Variants in TENM2 observed in about 807,000 individuals in gnomAD.
TENM2 encodes the protein teneurin transmembrane protein 2, also known as teneurin-2.
TENM2 carries 52 observed loss-of-function variants against 245.2 expected under a neutral mutation model. The ratio of observed to expected loss-of-function variants is 0.21; its 90% confidence interval spans 0.17 to 0.27. TENM2 has a LOEUF of 0.27. Ranked by LOEUF, TENM2 falls within the 10% of genes least tolerant of loss-of-function variation. The pLI, the probability that TENM2 is intolerant of heterozygous loss-of-function variation, is 1.00. For missense variants in TENM2, 3,046 were observed against 3,666.8 expected (o/e 0.83, Z 4.37); for synonymous variants, 1,363 against 1,438.9 (o/e 0.95, Z 1.19).
intron 1 of TENM2, among the ~76,000 whole-genome samples, chr5:167,319,365 A>G (rs1312957347): frequency 1.3e-5 from 2 of 152,032 alleles, no homozygotes; most frequent in African/African-American, 4.8e-5. Context: ...AGTTGGGTGT[A>G]TTAAATTAGA....
the TENM2 span, among the ~76,000 whole-genome samples, chr5:167,181,766 T>C: frequency 1.3e-5 from 2 of 152,194 alleles, no homozygotes; most frequent in African/African-American, 4.8e-5. Context: ...AGGAGAAGCA[T>C]GCTAATTTTT....
At chr5:167,129,182 G>T in the TENM2 span, among the ~76,000 whole-genome samples, 2,357 of 152,244 alleles carry the variant, frequency 0.015, 55 homozygotes, top group African/African-American at 0.054. Context: ...CCAGGAAGTG[G>T]CTGGAACTTA....
chr5:167,211,250 G>A, the TENM2 span, among the ~76,000 whole-genome samples: 2 of 152,124 alleles, frequency 1.3e-5, no homozygotes, highest in African/African-American at 4.8e-5. Flanking sequence ...CCGTCAACCT[G>A]CTAAGGTTTT....
intron 19 of TENM2, among the ~76,000 whole-genome samples, chr5:168,207,257 T>C (rs879665669): frequency 1.3e-5 from 2 of 152,168 alleles, no homozygotes; most frequent in African/African-American, 2.4e-5. Context: ...GTGCTCAAGA[T>C]AGGTTGCTTA....
intron 2 of TENM2, among the ~76,000 whole-genome samples, chr5:167,776,480 C>A (rs552239504): frequency 6.6e-6 from 1 of 150,716 alleles, no homozygotes; most frequent in Non-Finnish European, 1.5e-5. Context: ...CCTGTAGTCC[C>A]AGCTACTTGG....
At chr5:167,579,194 A>G (rs1039884909) in intron 2 of TENM2, among the ~76,000 whole-genome samples, 2 of 152,168 alleles carry the variant, frequency 1.3e-5, no homozygotes, top group Non-Finnish European at 2.9e-5. Flanking sequence ...ACTTGACTGC[A>G]TTACAATGGA....
Position 168,247,291 on chromosome 5 carries a change from C to T in TENM2, c.6352C>T (p.Arg2118Cys), listed in dbSNP as rs770870348. The T allele has an allele frequency of 1.2e-5, 20 of 1,613,846 alleles. No individual in the cohort carries two copies. Among genetic ancestry groups the T allele is most frequent in the East Asian group, 2.2e-5 (1 of 44,886 alleles). Residue 2118 changes from arginine (R) to cysteine (C), a missense_variant, in exon 27 of 29, where the codon CGC becomes TGC. Coordinates refer to ENST00000518659, the Ensembl canonical transcript of TENM2. This position sits in a 1 kb window ranked among gnomAD's most constrained non-coding sequence, Gnocchi z 7.8. ...GACTCCCCTCCCCGTTGACCTCTACCGCTATGATGAGATTTCTGGCAAGGT... is the reference window on the plus strand; with the variant it reads ...GACTCCCCTCCCCGTTGACCTCTACTGCTATGATGAGATTTCTGGCAAGGT...
chr5:167,272,964 A>C, the TENM2 span, among the ~76,000 whole-genome samples: 1 of 152,138 alleles, frequency 6.6e-6, no homozygotes, highest in Non-Finnish European at 1.5e-5. Context: ...ACACACACAT[A>C]CACAAACACA....
At chr5:167,931,329 A>AC (rs772700838) in intron 3 of TENM2, among the ~76,000 whole-genome samples, 105 of 152,300 alleles carry the variant, frequency 6.9e-4, no homozygotes, top group Middle Eastern at 3.4e-3. Context: ...TCAGAGATTG[A>AC]ACTGGGGTGA....
intron 4 of TENM2, among the ~76,000 whole-genome samples, chr5:167,992,225 G>T (rs1364492137): frequency 6.6e-6 from 1 of 151,596 alleles, no homozygotes; most frequent in Non-Finnish European, 1.5e-5. Flanking sequence ...TAAAGAACTT[G>T]TTCATGTAAT....
At chr5:167,393,884 G>A (rs1490359419) in intron 2 of TENM2, among the ~76,000 whole-genome samples, 1 of 152,120 alleles carries the variant, frequency 6.6e-6, no homozygotes, top group Non-Finnish European at 1.5e-5. Flanking sequence ...GGTAAAGGTA[G>A]GAGTATTTCT....
the TENM2 span, among the ~76,000 whole-genome samples, chr5:167,149,829 T>C: frequency 6.6e-5 from 10 of 152,176 alleles, no homozygotes; most frequent in Non-Finnish European, 1.5e-4. Context: ...GCATTGACTA[T>C]GATGATCTGC....
In TENM2 at chr5:167,500,612, C is replaced by T. The variant is rs192645270; in HGVS notation, c.502+125139C>T. The stretch of plus-strand genomic sequence containing the variant: ...GAGCTGCAGGTAAAATGAGCAATTA[C>T]CTTATTTTCATCTCTATCACTGGAC... On this transcript the variant is annotated intron_variant, in intron 2 of 28. Transcript: ENST00000518659. Among the ~76,000 whole-genome samples, 303 of 152,192 alleles carry T rather than the reference C, an allele frequency of 2.0e-3. 3 individuals carry two copies. The highest frequency in any genetic ancestry group is 7.0e-3 in the African/African-American group (290 of 41,544).
At chr5:167,046,783 ACC>A in the TENM2 span, among the ~76,000 whole-genome samples, 1 of 152,074 alleles carries the variant, frequency 6.6e-6, no homozygotes, top group African/African-American at 2.4e-5. Context: ...GGTTTGCTGC[ACC>A]CATCAACCCA....
chr5:167,135,526 C>T, the TENM2 span, among the ~76,000 whole-genome samples: 1 of 152,152 alleles, frequency 6.6e-6, no homozygotes, highest in Non-Finnish European at 1.5e-5. Flanking sequence ...CCTGTAATCC[C>T]AGCACTTTGG....
chr5:168,065,633 T>C (rs1368272961), intron 7 of TENM2, among the ~76,000 whole-genome samples: 1 of 152,096 alleles, frequency 6.6e-6, no homozygotes, highest in Non-Finnish European at 1.5e-5. Context: ...ATTTTTTTAA[T>C]AAATTAATTT....
At chr5:168,090,757 A>G (rs748195793) in exon 8 of TENM2, 4 of 1,613,564 alleles carry the variant, frequency 2.5e-6, no homozygotes, top group Non-Finnish European at 8.5e-7. Context: ...TTCCTTCAAT[A>G]CTGTTGTCCT....
intron 2 of TENM2, among the ~76,000 whole-genome samples, chr5:167,733,928 C>T (rs1174277290): frequency 6.6e-6 from 1 of 152,148 alleles, no homozygotes; most frequent in Non-Finnish European, 1.5e-5. Context: ...TATGAGGACA[C>T]TAAAGTTCAG....
At chr5:168,041,999 C>T (rs1788230745) in intron 5 of TENM2, among the ~76,000 whole-genome samples, 1 of 152,194 alleles carries the variant, frequency 6.6e-6, no homozygotes. Context: ...GTGGTTCTCT[C>T]CTCCCAGCAG....
Sources: gnomAD v4.1 joint callset for allele counts (sites outside exome capture counted in the v4.1 genomes callset) on GRCh38, gnomAD v4.1.1 for gene constraint, Gnocchi (gnomAD v3.1) non-coding constraint, MANE v1.5 for transcripts, NCBI Gene and HGNC (gene_info 2026-07-23, HGNC 2026-07-21) for gene names.